DCC: variants seen among roughly 807,000 people sequenced by gnomAD.
The protein encoded by DCC is netrin receptor DCC.
A neutral mutation model predicts 172.5 loss-of-function variants in DCC; 58 were observed. That is an observed-to-expected ratio of 0.34 (90% confidence interval 0.27 to 0.42). The LOEUF is 0.42. Ranked by LOEUF, DCC falls within the 10% of genes least tolerant of loss-of-function variation. DCC has a pLI of 1.00. For missense variants in DCC, 1,740 were observed against 1,791.0 expected (o/e 0.97, Z 0.51); for synonymous variants, 709 against 644.5 (o/e 1.10, Z -1.52).
intron 18 of DCC, among the ~76,000 whole-genome samples, chr18:53,400,417 TA>T (rs1205727950): frequency 6.6e-6 from 1 of 152,124 alleles, no homozygotes; most frequent in Non-Finnish European, 1.5e-5. Flanking sequence ...AAACAGAATA[TA>T]AATCCTAGAG....
At chr18:53,481,977 C>T (rs1050147431) in intron 25 of DCC, among the ~76,000 whole-genome samples, 1 of 152,062 alleles carries the variant, frequency 6.6e-6, no homozygotes, top group Non-Finnish European at 1.5e-5. Context: ...ATTGAAAATG[C>T]TTGATGATAT....
chr18:52,742,612 G>T (rs1306891948), intron 1 of DCC, among the ~76,000 whole-genome samples: 1 of 152,142 alleles, frequency 6.6e-6, no homozygotes, highest in Non-Finnish European at 1.5e-5. Flanking sequence ...ATATTACAAA[G>T]TTTATGGTTT....
chr18:53,227,198 G>C (rs1489174803), intron 12 of DCC, among the ~76,000 whole-genome samples: 1 of 151,362 alleles, frequency 6.6e-6, no homozygotes, highest in South Asian at 2.1e-4. Context: ...CTGCCACCTC[G>C]GCCTCCCATA....
At chr18:52,826,626 G>A (rs1249722122) in intron 2 of DCC, among the ~76,000 whole-genome samples, 1 of 152,094 alleles carries the variant, frequency 6.6e-6, no homozygotes, top group Non-Finnish European at 1.5e-5. Flanking sequence ...GACTGTGCGT[G>A]AGCCACCACA....
At chr18:52,739,345 G>T (rs1286367146) in intron 1 of DCC, among the ~76,000 whole-genome samples, 1 of 152,026 alleles carries the variant, frequency 6.6e-6, no homozygotes, top group Non-Finnish European at 1.5e-5. Context: ...ATTCGTTTTT[G>T]TCTATCTATG....
chr18:53,330,728 C>A (rs2057521750), intron 14 of DCC, among the ~76,000 whole-genome samples: 1 of 152,160 alleles, frequency 6.6e-6, no homozygotes, highest in Non-Finnish European at 1.5e-5. Flanking sequence ...ACTTAGCAAG[C>A]TCTTTACCCA....
intron 1 of DCC, among the ~76,000 whole-genome samples, chr18:52,614,740 A>C (rs577688160): frequency 1.3e-5 from 2 of 152,240 alleles, no homozygotes; most frequent in African/African-American, 4.8e-5. Context: ...TAAAATCTTG[A>C]ATATAAAGCA....
intron 1 of DCC, among the ~76,000 whole-genome samples, chr18:52,402,228 G>A (rs1986467142): frequency 6.6e-6 from 1 of 151,960 alleles, no homozygotes; most frequent in African/African-American, 2.4e-5. Flanking sequence ...TACTTTGGTG[G>A]TAGTATAGTG....
At chr18:53,164,059 C>G (rs1439618177) in intron 8 of DCC, among the ~76,000 whole-genome samples, 1 of 152,190 alleles carries the variant, frequency 6.6e-6, no homozygotes, top group Non-Finnish European at 1.5e-5. Context: ...AGCAGGCACT[C>G]TCAATCCCTT....
chr18:53,172,818 T>C (rs1048859576), intron 8 of DCC, among the ~76,000 whole-genome samples: 1 of 152,154 alleles, frequency 6.6e-6, no homozygotes, highest in Non-Finnish European at 1.5e-5. Flanking sequence ...TCCTTATTTT[T>C]CCACTATTGT....
intron 1 of DCC, among the ~76,000 whole-genome samples, chr18:52,394,808 C>T (rs538748370): frequency 6.6e-6 from 1 of 152,078 alleles, no homozygotes; most frequent in South Asian, 2.1e-4. Context: ...TGTTTTTAAC[C>T]TGAGGTTTGG....
intron 12 of DCC, among the ~76,000 whole-genome samples, chr18:53,271,034 G>A (rs374944001): frequency 6.6e-6 from 1 of 152,142 alleles, no homozygotes; most frequent in Non-Finnish European, 1.5e-5. Flanking sequence ...CTATTACATA[G>A]TGGAGCTCAG....
intron 1 of DCC, among the ~76,000 whole-genome samples, chr18:52,418,824 G>A (rs949581922): frequency 4.0e-5 from 6 of 150,288 alleles, no homozygotes; most frequent in East Asian, 2.0e-4. Context: ...AACAGTATCC[G>A]AGATCCTTTT....
At chr18:52,448,170 G>A (rs1232804800) in intron 1 of DCC, among the ~76,000 whole-genome samples, 2 of 152,180 alleles carry the variant, frequency 1.3e-5, no homozygotes, top group Non-Finnish European at 2.9e-5. Context: ...GATTCTCATA[G>A]GAACATGAAC....
intron 2 of DCC, among the ~76,000 whole-genome samples, chr18:52,812,931 A>G (rs1354722986): frequency 6.6e-6 from 1 of 152,232 alleles, no homozygotes; most frequent in Non-Finnish European, 1.5e-5. Context: ...ATCACCAGCA[A>G]TCAGGCAGAA....
chr18:52,653,183 A>G (rs2035175601), intron 1 of DCC, among the ~76,000 whole-genome samples: 1 of 152,198 alleles, frequency 6.6e-6, no homozygotes, highest in South Asian at 2.1e-4. Context: ...GGCATATTGT[A>G]TCACAGACAT....
chr18:53,341,264 A>G (rs888355823), intron 15 of DCC, among the ~76,000 whole-genome samples: 2 of 152,186 alleles, frequency 1.3e-5, no homozygotes, highest in African/African-American at 4.8e-5. Context: ...GGCAATGAGA[A>G]TGTGCTGCAA....
chr18:52,710,039 A>C (rs2036269682), intron 1 of DCC, among the ~76,000 whole-genome samples: 1 of 152,324 alleles, frequency 6.6e-6, no homozygotes, highest in Middle Eastern at 3.4e-3. Flanking sequence ...TCAATTTGGC[A>C]ATTTTTTAAA....
intron 9 of DCC, among the ~76,000 whole-genome samples, chr18:53,191,741 T>A (rs2055368995): frequency 7.5e-6 from 1 of 132,536 alleles, no homozygotes; most frequent in African/African-American, 2.6e-5. Context: ...TAGTTAACTG[T>A]TTTCCTTATT....
Sources: allele counts gnomAD v4.1 joint callset (sites outside exome capture counted in the v4.1 genomes callset), GRCh38; gene constraint gnomAD v4.1.1; transcripts MANE v1.5; gene names NCBI Gene and HGNC (gene_info 2026-07-23, HGNC 2026-07-21).